The following RALGAPB variants were observed in gnomAD, a reference collection of about 807,000 sequenced individuals.
RALGAPB encodes Ral GTPase activating protein non-catalytic subunit beta.
RALGAPB carries 25 observed loss-of-function variants against 161.1 expected under a neutral mutation model. The ratio of observed to expected loss-of-function variants is 0.16; its 90% CI spans 0.11 to 0.22. RALGAPB has a LOEUF of 0.22. Among genes scored for constraint, RALGAPB ranks in the 10% least tolerant of loss-of-function variants. The probability of loss-of-function intolerance (pLI) is 1.00; values close to 1 mark genes in which losing one functional copy is unlikely to be tolerated. For synonymous variants in RALGAPB, 629 were observed against 626.1 expected (o/e 1.00, Z -0.07); for missense variants, 1,391 against 1,815.2 (o/e 0.77, Z 4.25).
chr20:38,511,951 C>T (rs987503523), intron 6 of RALGAPB, among the ~76,000 whole-genome samples: 6 of 152,142 alleles, frequency 3.9e-5, no homozygotes, highest in Admixed American at 2.0e-4. Context: ...GGCGGCCGGG[C>T]GGGGGCTGCC....
chr20:38,521,419 T>C, intron 9 of RALGAPB, 78 bp from the exon 10 acceptor site: 3 of 1,580,222 alleles, frequency 1.9e-6, no homozygotes, highest in Non-Finnish European at 2.6e-6. Flanking sequence ...ACACCAATAT[T>C]TGATCTTTGT....
At chr20:38,573,973 A>C in intron 28 of RALGAPB, 177 bp from the exon 29 acceptor site, 1 of 495,640 alleles carries the variant, frequency 2.0e-6, no homozygotes, top group Non-Finnish European at 3.5e-6. Flanking sequence ...AGGGGGTAGC[A>C]GCATAGATTC....
At chr20:38,509,023 T>A in intron 5 of RALGAPB, 54 bp from the exon 6 acceptor site, 1 of 1,570,884 alleles carries the variant, frequency 6.4e-7, no homozygotes, top group Non-Finnish European at 8.7e-7. Context: ...TATGCTTGAG[T>A]GTATTTTTCA....
intron 25 of RALGAPB, among the ~76,000 whole-genome samples, chr20:38,566,102 G>T (rs917980734): frequency 6.6e-6 from 1 of 152,172 alleles, no homozygotes; most frequent in Non-Finnish European, 1.5e-5. Flanking sequence ...CTTCTTCTTT[G>T]AGATCATTTG....
At chr20:38,503,342 G>A (rs906471106) in intron 5 of RALGAPB, among the ~76,000 whole-genome samples, 1 of 152,168 alleles carries the variant, frequency 6.6e-6, no homozygotes, top group African/African-American at 2.4e-5. Flanking sequence ...GGGGTCAACT[G>A]TACATTCTGT....
intron 22 of RALGAPB, among the ~76,000 whole-genome samples, chr20:38,555,246 T>C (rs2087536403): frequency 1.3e-5 from 2 of 152,248 alleles, no homozygotes; most frequent in South Asian, 4.1e-4. Context: ...AAGCAAGAAG[T>C]TGCTTATTGC....
At chr20:38,512,536 T>C (rs2085992223) in intron 6 of RALGAPB, among the ~76,000 whole-genome samples, 1 of 152,256 alleles carries the variant, frequency 6.6e-6, no homozygotes, top group East Asian at 1.9e-4. Flanking sequence ...TGGTAGGTGC[T>C]TGAAAGTTGC....
At chr20:38,548,901 C>T in intron 20 of RALGAPB, 106 bp downstream of exon 20, 1 of 949,914 alleles carries the variant, frequency 1.1e-6, no homozygotes. Context: ...TGATCCCTAG[C>T]CAGATTCTCA....
intron 1 of RALGAPB, among the ~76,000 whole-genome samples, chr20:38,486,009 G>A (rs1172875525): frequency 4.3e-5 from 4 of 92,870 alleles, no homozygotes; most frequent in Non-Finnish European, 5.9e-5. Flanking sequence ...TGCTTTTGTC[G>A]CCCAGGCTGG....
At chr20:38,553,777 CAAAAAAAAAA>C (rs35778032) in intron 21 of RALGAPB, 80 bp from the exon 22 acceptor site, 37 of 278,802 alleles carry the variant, frequency 1.3e-4, no homozygotes, top group South Asian at 5.3e-4. Flanking sequence ...AGCCCAGTCT[CAAAAAAAAAA>C]AAAAAAAAAA....
At chr20:38,565,244 A>T in intron 24 of RALGAPB, 115 bp from the exon 25 acceptor site, 4 of 1,210,468 alleles carry the variant, frequency 3.3e-6, no homozygotes, top group Non-Finnish European at 4.5e-6. Flanking sequence ...GTTCTTGTTG[A>T]AAACATATAT....
chr20:38,542,570 G>A (rs1048960292), intron 18 of RALGAPB, among the ~76,000 whole-genome samples: 3 of 152,162 alleles, frequency 2.0e-5, no homozygotes, highest in African/African-American at 7.2e-5. Flanking sequence ...AGTTCAGAAA[G>A]AAGACCATGT....
intron 29 of RALGAPB, 75 bp from the exon 30 acceptor site, chr20:38,574,699 T>G: frequency 7.1e-7 from 1 of 1,400,062 alleles, no homozygotes; most frequent in Non-Finnish European, 1.0e-6. Flanking sequence ...GGAGAATAGT[T>G]CACCTGAATA....
chr20:38,474,468 G>A (rs1277159624), intron 1 of RALGAPB, among the ~76,000 whole-genome samples: 3 of 151,806 alleles, frequency 2.0e-5, no homozygotes, highest in Non-Finnish European at 4.4e-5. Flanking sequence ...TTGTAGAGAT[G>A]GGGTTTCTCC....
intron 28 of RALGAPB, 70 bp downstream of exon 28, chr20:38,570,917 A>G: frequency 9.6e-7 from 1 of 1,040,300 alleles, no homozygotes; most frequent in Non-Finnish European, 1.4e-6. Context: ...TTAATAAATA[A>G]GGAATTATGA....
At chr20:38,549,549 A>AATATAT (rs1555882891) in intron 20 of RALGAPB, among the ~76,000 whole-genome samples, 3 of 131,080 alleles carry the variant, frequency 2.3e-5, no homozygotes, top group African/African-American at 5.8e-5. Flanking sequence ...AAAAAAAAAA[A>AATATAT]ATATATATAT....
intron 3 of RALGAPB, among the ~76,000 whole-genome samples, chr20:38,496,500 G>C (rs2085431509): frequency 6.6e-6 from 1 of 152,142 alleles, no homozygotes; most frequent in Non-Finnish European, 1.5e-5. Flanking sequence ...CTGGAGGCCA[G>C]CTTACCACTT....
intron 22 of RALGAPB, among the ~76,000 whole-genome samples, chr20:38,554,580 C>T (rs2087509102): frequency 6.6e-6 from 1 of 152,140 alleles, no homozygotes; most frequent in Admixed American, 6.5e-5. Context: ...TCACTGCTTG[C>T]CAGCTATGTG....
At chr20:38,551,832 G>A (rs528695700) in intron 21 of RALGAPB, among the ~76,000 whole-genome samples, 5 of 152,204 alleles carry the variant, frequency 3.3e-5, no homozygotes, top group African/African-American at 7.2e-5. Flanking sequence ...TTAAGAAGTC[G>A]GGGACAGAAG....
Sources: gnomAD v4.1 joint callset for allele counts (sites outside exome capture counted in the v4.1 genomes callset) on GRCh38, gnomAD v4.1.1 for gene constraint, MANE v1.5 for transcripts, NCBI Gene and HGNC (gene_info 2026-07-23, HGNC 2026-07-21) for gene names.